The following MMP3 variants were observed in gnomAD, a reference collection of about 807,000 sequenced individuals.
MMP3 encodes matrix metallopeptidase 3.
Under a neutral mutation model 47.3 loss-of-function variants are expected in MMP3, and 46 were observed. The ratio of observed to expected loss-of-function variants is 0.97; its 90% CI spans 0.77 to 1.24. MMP3 has a LOEUF of 1.24. Ranked by LOEUF, MMP3 falls within the 50% of genes most tolerant of loss-of-function variation. The pLI is 0.00. For missense variants in MMP3, 558 were observed against 565.5 expected (o/e 0.99, Z 0.13); for synonymous variants, 216 against 206.5 (o/e 1.05, Z -0.39).
chr11:102,836,494 G>C lies in MMP3; in HGVS notation c.1334-268C>G, dbSNP rs1393814258. 1.8e-6 allele frequency: 1 copy of C among 549,162 alleles called. No homozygotes were observed. The highest frequency in any genetic ancestry group is 4.7e-5 in the East Asian group (1 of 21,404). The allele number at this position is 549,162 out of a possible 1,614,324, so 34.0% of individuals were successfully genotyped here. On this transcript the variant is annotated intron_variant, in intron 9 of 9. Transcript: ENST00000299855. The surrounding 1 kb of genome is among the most constrained non-coding windows in gnomAD (Gnocchi z 4.6). Reference sequence around the variant, plus strand: ...ATGCTTCCTCAAGGTTACTCAGCAAGGAAGAATGGAGACAGCACTCGGTGC... The same window carrying C: ...ATGCTTCCTCAAGGTTACTCAGCAACGAAGAATGGAGACAGCACTCGGTGC...
intron 8 of MMP3, among the ~76,000 whole-genome samples, chr11:102,838,161 G>A (rs1858918686): frequency 6.6e-6 from 1 of 152,130 alleles, no homozygotes; most frequent in Non-Finnish European, 1.5e-5. Flanking sequence ...AAAGACAATG[G>A]GAAGGGAACG....
chr11:102,837,188 A>C lies in MMP3; in HGVS notation c.1333+110T>G. 1 of 760,746 alleles carries C rather than the reference A, an allele frequency of 1.3e-6. No homozygotes were observed. Among genetic ancestry groups the C allele is most frequent in the African/African-American group, 1.7e-5 (1 of 57,444 alleles). The allele number at this position is 760,746 out of a possible 1,614,324, so 47.1% of individuals were successfully genotyped here. A position where few individuals can be genotyped will look rare whatever the true frequency, so the allele number is the denominator to read the frequency against. Reference sequence around the variant, plus strand: ...AGGCGAATCAAAATTTTGAGAAGGGAACTGGCCCTAAGAAACACTTGTTAT... The same window carrying C: ...AGGCGAATCAAAATTTTGAGAAGGGCACTGGCCCTAAGAAACACTTGTTAT... On this transcript the variant is annotated intron_variant, in intron 9 of 9. Transcript: ENST00000299855. This position sits in a 1 kb window ranked among gnomAD's most constrained non-coding sequence, Gnocchi z 4.4.
At chr11:102,841,369 G>T (rs1858993855) in intron 4 of MMP3, among the ~76,000 whole-genome samples, 1 of 152,132 alleles carries the variant, frequency 6.6e-6, no homozygotes. Flanking sequence ...TTTGCAGGAA[G>T]GTTTCTTTAC....
chr11:102,838,990 T>A, intron 7 of MMP3, 120 bp downstream of exon 7: 1 of 1,077,446 alleles, frequency 9.3e-7, no homozygotes, highest in African/African-American at 1.6e-5. Context: ...TGGTTATTTC[T>A]TCATTACCGT....
chr11:102,842,404 C>CTTTGTT, intron 3 of MMP3, 27 bp downstream of exon 3: 1 of 810,714 alleles, frequency 1.2e-6, no homozygotes, highest in South Asian at 2.8e-5. Context: ...TTTTGTTTTG[C>CTTTGTT]TTTTTTTTTT....
chr11:102,836,302 C>G lies in MMP3; in HGVS notation c.1334-76G>C, dbSNP rs181557986. ...TTTGACAATATACAAAACTCAGAAT[C>G]ATAGAGAACTAAAAATAGAAAGTGT... is the stretch of plus-strand genomic sequence containing the variant. On this transcript the variant is annotated intron_variant, in intron 9 of 9. Coordinates refer to ENST00000299855, the MANE Select transcript of MMP3 (RefSeq NM_002422.5). The surrounding 1 kb of genome is among the most constrained non-coding windows in gnomAD (Gnocchi z 4.6). 1 of 1,112,842 alleles carries G rather than the reference C, an allele frequency of 9.0e-7. No homozygotes were observed. Among genetic ancestry groups the G allele is most frequent in the African/African-American group, 1.6e-5 (1 of 64,136 alleles). The allele number at this position is 1,112,842 out of a possible 1,614,324, so 68.9% of individuals were successfully genotyped here.
chr11:102,842,760 G>C lies in MMP3; in HGVS notation c.262C>G (p.Arg88Gly). Residue 88 changes from arginine (R) to glycine (G), a missense_variant, in exon 2 of 10, where the codon CGC (arginine) becomes GGC (glycine). Arg to Gly is a moderately radical substitution (Grantham distance 125). Transcript: ENST00000299855. ...TCAGGAACTCCACACCTGGGCTTGC[G>C]CATCACCTCCAGAGTGTCGGAGTCC... ...KLDSDTLEVM[R>G]KPRCGVPDVG... The C allele has an allele frequency of 6.2e-7, 1 of 1,613,886 alleles. No homozygotes were observed. The highest frequency in any genetic ancestry group is 8.5e-7 in the Non-Finnish European group (1 of 1,179,944).
chr11:102,836,179 T>C lies in MMP3; in HGVS notation c.1381A>G (p.Asn461Asp). 6.2e-7 allele frequency: 1 copy of C among 1,614,036 alleles called. No homozygotes were observed. Among genetic ancestry groups the C allele is most frequent in the Non-Finnish European group, 8.5e-7 (1 of 1,179,918 alleles). The change falls in exon 10 of 10, where the codon AAT becomes GAT. Residue 461 changes from asparagine (N) to aspartate (D), a missense_variant. By Grantham distance (23) the Asn-to-Asp change is conservative (BLOSUM62 1). Coordinates refer to ENST00000299855, the MANE Select transcript of MMP3 (RefSeq NM_002422.5). This position sits in a 1 kb window ranked among gnomAD's most constrained non-coding sequence, Gnocchi z 4.6. ...TGSSQLEFDP[N>D]AKKVTHTLKS... The stretch of plus-strand genomic sequence containing the variant: ...AAAGTGTGTGTCACTTTCTTTGCAT[T>C]TGGGTCAAACTCCAACTGTGAAGAT...
chr11:102,837,442 C>G lies in MMP3; in HGVS notation c.1230-41G>C. The stretch of plus-strand genomic sequence containing the variant: ...GAAACAGCTCAGCATTGCATAGAGG[C>G]CATGTTACCGAACATCTTAGATCAT... On this transcript the variant is annotated intron_variant, in intron 8 of 9. Coordinates refer to ENST00000299855, the MANE Select transcript of MMP3 (RefSeq NM_002422.5). The surrounding 1 kb of genome is among the most constrained non-coding windows in gnomAD (Gnocchi z 4.4). 1 of 1,408,176 alleles carries G rather than the reference C, an allele frequency of 7.1e-7. No individual in the cohort carries two copies. Among genetic ancestry groups the G allele is most frequent in the Non-Finnish European group, 1.0e-6 (1 of 1,000,506 alleles). The allele number at this position is 1,408,176 out of a possible 1,614,324, so 87.2% of individuals were successfully genotyped here. A position where few individuals can be genotyped will look rare whatever the true frequency, so the allele number is the denominator to read the frequency against.
intron 4 of MMP3, among the ~76,000 whole-genome samples, chr11:102,841,368 A>G (rs1192871159): frequency 6.6e-6 from 1 of 152,198 alleles, no homozygotes; most frequent in East Asian, 1.9e-4. Flanking sequence ...GTTTGCAGGA[A>G]GGTTTCTTTA....
rs1163986832 is a variant in MMP3, at chr11:102,839,138, A to G, written c.1041T>C (p.Thr347=). Residue 347 remains threonine (T), a synonymous_variant, in exon 7 of 10, where the codon ACT becomes ACC. Coordinates refer to ENST00000299855, the MANE Select transcript of MMP3 (RefSeq NM_002422.5). ...PSGVDAAYEV[T]SKDLVFIFKG... ...TAAAAATGAAAACGAGGTCCTTGCT[A>G]GTAACTTCATATGCGGCATCCACGC... The G allele has an allele frequency of 1.1e-5, 17 of 1,613,872 alleles. No homozygotes were observed. The highest frequency in any genetic ancestry group is 1.7e-5 in the Admixed American group (1 of 59,958).
At position 102,836,459 on chromosome 11, in the gene MMP3, A is replaced by T. The variant is rs1858884009; in HGVS notation, c.1334-233T>A. The T allele has an allele frequency of 1.7e-6, 1 of 596,848 alleles. No homozygotes were observed. Among genetic ancestry groups the T allele is most frequent in the South Asian group, 1.5e-5 (1 of 65,660 alleles). 37.0% of individuals were successfully genotyped at this position (596,848 alleles called of 1,614,324 possible). ...ACAGATTGAGCAAGTTGAGGTTGAGACAGATTTCGATGCTTCCTCAAGGTT... is the reference window on the plus strand; with the variant it reads ...ACAGATTGAGCAAGTTGAGGTTGAGTCAGATTTCGATGCTTCCTCAAGGTT... On this transcript the variant is annotated intron_variant, in intron 9 of 9. Transcript: ENST00000299855. The surrounding 1 kb of genome is among the most constrained non-coding windows in gnomAD (Gnocchi z 4.6).
chr11:102,841,625 C>A (rs908374304), intron 4 of MMP3, among the ~76,000 whole-genome samples: 24 of 150,446 alleles, frequency 1.6e-4, no homozygotes, highest in African/African-American at 4.7e-4. Context: ...ACAGTTTGAA[C>A]GTTGTATTTG....
At position 102,840,529 on chromosome 11, in the gene MMP3, G is replaced by A; in HGVS notation, c.690C>T (p.Ala230=). ...IGHSLGLFHS[A]NTEALMYPLY... is the part of the protein sequence containing the mutation. ...GTGGGTACATCAAAGCTTCAGTGTT[G>A]GCTGAGTGAAAGAGACCCAGGGAGT... The change falls in exon 5 of 10, where the codon GCC becomes GCT. Residue 230 remains alanine, a synonymous_variant. Transcript: ENST00000299855. 6.2e-7 allele frequency: 1 copy of A among 1,614,054 alleles called. No individual in the cohort carries two copies. The highest frequency in any genetic ancestry group is 8.5e-7 in the Non-Finnish European group (1 of 1,179,996).
intron 4 of MMP3, among the ~76,000 whole-genome samples, chr11:102,841,880 A>G (rs1859003817): frequency 6.6e-6 from 1 of 152,128 alleles, no homozygotes; most frequent in Non-Finnish European, 1.5e-5. Context: ...GATATGAGAA[A>G]TTTTTCTTAA....
chr11:102,843,400 C>A, intron 1 of MMP3, 42 bp downstream of exon 1: 2 of 1,444,486 alleles, frequency 1.4e-6, no homozygotes, highest in South Asian at 2.3e-5. Context: ...TCAGCTTACT[C>A]TGGAAGCTCC....
chr11:102,842,366 G>C (rs1859015154), intron 3 of MMP3, 65 bp downstream of exon 3: 1 of 1,549,522 alleles, frequency 6.5e-7, no homozygotes. Context: ...ATAGATGAAT[G>C]GATACATTTC....
At position 102,836,360 on chromosome 11, in the gene MMP3, C is replaced by T. The variant is rs1412257926; in HGVS notation, c.1334-134G>A. The T allele has an allele frequency of 2.8e-6, 2 of 721,184 alleles. No individual in the cohort carries two copies. Among genetic ancestry groups the T allele is most frequent in the East Asian group, 5.4e-5 (2 of 37,178 alleles). 44.7% of individuals were successfully genotyped at this position (721,184 alleles called of 1,614,324 possible). A position where few individuals can be genotyped will look rare whatever the true frequency, so the allele number is the denominator to read the frequency against. ...GCTTTACTTTATGTCAGGGACTATG[C>T]CAAGCTTGTTACATGAATTTATTTT... On this transcript the variant is annotated intron_variant, in intron 9 of 9. Transcript: ENST00000299855. The surrounding 1 kb of genome is among the most constrained non-coding windows in gnomAD (Gnocchi z 4.6).
rs371846985 is a variant in MMP3 at position 102,836,791 on chromosome 11, CTT to C, written c.1333+505_1333+506del. On this transcript the variant is annotated intron_variant, in intron 9 of 9. Coordinates refer to ENST00000299855, the MANE Select transcript of MMP3 (RefSeq NM_002422.5). This position sits in a 1 kb window ranked among gnomAD's most constrained non-coding sequence, Gnocchi z 4.6. ...CCTTACCTTGAGTAGAAAACAAAAT[CTT>C]TTTTTTTTTTTAAACTTTGGGCACA... 1.4e-3 allele frequency: 271 copies of C among 194,072 alleles called. No individual in the cohort carries two copies. The highest frequency in any genetic ancestry group is 4.1e-3 in the Middle Eastern group (2 of 488). 12.0% of individuals were successfully genotyped at this position (194,072 alleles called of 1,614,324 possible). A position where few individuals can be genotyped will look rare whatever the true frequency, so the allele number is the denominator to read the frequency against.
Sources: allele counts gnomAD v4.1 joint callset (sites outside exome capture counted in the v4.1 genomes callset), GRCh38; gene constraint gnomAD v4.1.1; non-coding constraint Gnocchi (gnomAD v3.1); transcripts MANE v1.5; gene names NCBI Gene and HGNC (gene_info 2026-07-23, HGNC 2026-07-21).